Variants in RAI2 observed in about 807,000 individuals in gnomAD.
RAI2 encodes the protein retinoic acid-induced protein 2.
In RAI2, 5 loss-of-function variants were observed where a neutral mutation model predicts 15.3. The ratio of observed to expected loss-of-function variants is 0.33; its 90% CI spans 0.17 to 0.69. The LOEUF is 0.69. Ranked by LOEUF, RAI2 falls within the 30% of genes least tolerant of loss-of-function variation. The pLI is 0.69. For missense variants in RAI2, 424 were observed against 424.7 expected (o/e 1.00, Z 0.01); for synonymous variants, 191 against 184.0 (o/e 1.04, Z -0.31).
chrX:17,805,153 G>A (rs971035295), intron 1 of RAI2, among the ~76,000 whole-genome samples: 1 of 112,728 alleles, frequency 8.9e-6, no homozygotes, highest in African/African-American at 3.2e-5. Flanking sequence ...GCTTCCCTTC[G>A]ACTGGGAGAG....
At chrX:17,838,522 G>A (rs745716589) in intron 1 of RAI2, among the ~76,000 whole-genome samples, 1 of 111,255 alleles carries the variant, frequency 9.0e-6, no homozygotes, top group South Asian at 3.8e-4. Context: ...TTCTCTTGGT[G>A]AAGTTGGCAT....
rs760320306 is a variant in RAI2 at position 17,801,831 on chromosome X, G to T, written c.180C>A (p.Asn60Lys). The change falls in exon 2 of 2, where the codon AAC (asparagine) becomes AAA (lysine). Residue 60 changes from asparagine to lysine, a missense_variant. By Grantham distance (94) the Asn-to-Lys change is moderately conservative. Transcript: ENST00000451717. ...TGCCACTCTGAGACTCGGCAGGGGG[G>T]TTCAGAATGGATGGGGCTGGCACGG... ...LVTVPAPSIL[N>K]PPAESQSGMA... is the part of the protein sequence containing the mutation. 4 of 1,211,497 alleles carry T rather than the reference G, an allele frequency of 3.3e-6. No individual in the cohort carries two copies. Among genetic ancestry groups the T allele is most frequent in the South Asian group, 3.5e-5 (2 of 56,904 alleles).
chrX:17,856,211 GT>G (rs2147288398), intron 1 of RAI2, among the ~76,000 whole-genome samples: 1 of 112,370 alleles, frequency 8.9e-6, no homozygotes, highest in African/African-American at 3.2e-5. Context: ...CTATGTCTCA[GT>G]AGAGATTAAA....
chrX:17,856,205 G>A (rs142026991), intron 1 of RAI2, among the ~76,000 whole-genome samples: 1 of 112,412 alleles, frequency 8.9e-6, no homozygotes, highest in African/African-American at 3.2e-5. Context: ...CCAGCCCTAT[G>A]TCTCAGTAGA....
chrX:17,828,233 C>T (rs962693294), intron 1 of RAI2, among the ~76,000 whole-genome samples: 2 of 110,660 alleles, frequency 1.8e-5, no homozygotes, highest in South Asian at 8.1e-4. Context: ...GTAAGGCCAT[C>T]AAAGGCAGGC....
At chrX:17,815,301 GCACACATACATGTGCACACGTGCACACA>G (rs2067093996) in intron 1 of RAI2, among the ~76,000 whole-genome samples, 1 of 98,127 alleles carries the variant, frequency 1.0e-5, no homozygotes, top group Admixed American at 1.2e-4. Flanking sequence ...GCATGTGTTT[GCACACATACATGTGCACACGTGCACACA>G]CACACACACA....
intron 1 of RAI2, among the ~76,000 whole-genome samples, chrX:17,816,724 C>T (rs754761756): frequency 8.9e-6 from 1 of 112,163 alleles, no homozygotes; most frequent in East Asian, 2.8e-4. Context: ...TCCCGTGCTT[C>T]CCAGAAATAT....
rs138464082 is a variant in RAI2, at chrX:17,823,506, G to A, written c.-24-21472C>T. ...ATGGCCCACAGTAGGCAAGATGTGC[G>A]GTGGAACAGTAACTATCATCAAGTC... On this transcript the variant is annotated intron_variant, in intron 1 of 1. Coordinates refer to ENST00000451717, the MANE Select transcript of RAI2 (RefSeq NM_021785.6). 8.7e-3 allele frequency among the ~76,000 whole-genome samples: 967 copies of A among 111,592 alleles called. 9 individuals are homozygous for A. The highest frequency in any genetic ancestry group is 0.031 in the African/African-American group (941 of 30,653).
chrX:17,857,671 T>C (rs1247310664), intron 1 of RAI2, among the ~76,000 whole-genome samples: 5 of 110,619 alleles, frequency 4.5e-5, no homozygotes, highest in Non-Finnish European at 3.8e-5. Flanking sequence ...CAACCAAACG[T>C]ACAAATCTCT....
chrX:17,806,099 TAAG>T (rs1403090525), intron 1 of RAI2, among the ~76,000 whole-genome samples: 2 of 111,534 alleles, frequency 1.8e-5, no homozygotes, highest in East Asian at 5.7e-4. Flanking sequence ...GGCGATGCCC[TAAG>T]AATACAAAAC....
chrX:17,838,386 T>A (rs1356828623), intron 1 of RAI2, among the ~76,000 whole-genome samples: 1 of 111,784 alleles, frequency 8.9e-6, no homozygotes, highest in African/African-American at 3.3e-5. Flanking sequence ...GTTGAAAGAA[T>A]AATAAAATAA....
intron 1 of RAI2, among the ~76,000 whole-genome samples, chrX:17,859,359 TGCCTGATGCTTGCAAG>T (rs1267403234): frequency 8.9e-6 from 1 of 111,946 alleles, no homozygotes; most frequent in Non-Finnish European, 1.9e-5. Context: ...CAGAAAACCT[TGCCTGATGCTTGCAAG>T]GCTAAGAATT....
intron 1 of RAI2, among the ~76,000 whole-genome samples, chrX:17,825,630 C>T (rs2067217466): frequency 8.9e-6 from 1 of 112,515 alleles, no homozygotes; most frequent in East Asian, 2.8e-4. Flanking sequence ...CTGTCCCACA[C>T]TGGGAAATCA....
At position 17,800,568 on chromosome X, in the gene RAI2, G is replaced by A. The variant is rs1412548098; in HGVS notation, c.1443C>T (p.Asn481=). ...EDSVLQGYDI[N]SQGEESMGNA... is the part of the protein sequence containing the mutation. Reference sequence around the variant, plus strand: ...TTCCCATGGACTCTTCCCCTTGGCTGTTGATGTCATAGCCCTGAAGCACGG... The same window carrying A: ...TTCCCATGGACTCTTCCCCTTGGCTATTGATGTCATAGCCCTGAAGCACGG... The change falls in exon 2 of 2, where the codon AAC becomes AAT. Residue 481 remains asparagine, a synonymous_variant. Transcript: ENST00000451717. The A allele has an allele frequency of 8.3e-7, 1 of 1,210,964 alleles. No homozygotes were observed. The highest frequency in any genetic ancestry group is 1.8e-5 in the South Asian group (1 of 56,965).
chrX:17,813,905 A>T (rs1377790822), intron 1 of RAI2, among the ~76,000 whole-genome samples: 2 of 111,619 alleles, frequency 1.8e-5, no homozygotes, highest in Admixed American at 1.9e-4. Context: ...CTTCATGACC[A>T]TCACCTATTA....
intron 1 of RAI2, among the ~76,000 whole-genome samples, chrX:17,837,254 G>C (rs187945514): frequency 7.1e-4 from 79 of 111,635 alleles, no homozygotes; most frequent in African/African-American, 2.5e-3. Flanking sequence ...GTCGAAGAGC[G>C]AGCTGCTGCA....
intron 1 of RAI2, among the ~76,000 whole-genome samples, chrX:17,855,826 T>G (rs2067595937): frequency 8.9e-6 from 1 of 112,627 alleles, no homozygotes; most frequent in African/African-American, 3.2e-5. Context: ...TTCAAAATAT[T>G]ATCATTTTAC....
chrX:17,842,600 G>A (rs1475792227), intron 1 of RAI2, among the ~76,000 whole-genome samples: 2 of 99,665 alleles, frequency 2.0e-5, no homozygotes, highest in African/African-American at 7.5e-5. Context: ...AGCACAAGAA[G>A]ACTTTGAATT....
At chrX:17,852,033 C>T (rs1003510923) in intron 1 of RAI2, among the ~76,000 whole-genome samples, 3 of 111,904 alleles carry the variant, frequency 2.7e-5, no homozygotes, top group Non-Finnish European at 5.6e-5. Flanking sequence ...CTCTGCACCA[C>T]GAAACTGGCC....
Sources: allele counts gnomAD v4.1 joint callset (sites outside exome capture counted in the v4.1 genomes callset), GRCh38; gene constraint gnomAD v4.1.1; transcripts MANE v1.5; gene names NCBI Gene and HGNC (gene_info 2026-07-23, HGNC 2026-07-21).